The following FHIT variants were observed in gnomAD, a reference collection of about 807,000 sequenced individuals.
FHIT encodes the protein fragile histidine triad diadenosine triphosphatase, also known as bis(5'-adenosyl)-triphosphatase.
Under a neutral mutation model 17.9 loss-of-function variants are expected in FHIT, and 19 were observed. The observed-to-expected ratio is 1.06, with a 90% CI of 0.74 to 1.56. The LOEUF is 1.56. Among genes scored for constraint, FHIT ranks in the 40% most tolerant of loss-of-function variants. The pLI, the probability that FHIT is intolerant of heterozygous loss-of-function variation, is 0.00. For missense variants in FHIT, 248 were observed against 189.2 expected (o/e 1.31, Z -1.82); for synonymous variants, 81 against 69.7 (o/e 1.16, Z -0.81).
chr3:60,163,480 G>T (rs74999656), intron 5 of FHIT, among the ~76,000 whole-genome samples: 1 of 152,020 alleles, frequency 6.6e-6, no homozygotes, highest in African/African-American at 2.4e-5. Context: ...TGCCACAGAA[G>T]CCTCCTTCTG....
intron 8 of FHIT, among the ~76,000 whole-genome samples, chr3:59,825,982 G>C (rs969604360): frequency 1.3e-5 from 2 of 152,240 alleles, no homozygotes; most frequent in East Asian, 3.9e-4. Flanking sequence ...TAAAAATAAG[G>C]AATATTGACA....
At chr3:60,906,204 T>C (rs1456752145) in intron 3 of FHIT, among the ~76,000 whole-genome samples, 4 of 152,166 alleles carry the variant, frequency 2.6e-5, no homozygotes, top group African/African-American at 9.7e-5. Flanking sequence ...AATAGATTGA[T>C]TGTCAGGAGG....
intron 4 of FHIT, among the ~76,000 whole-genome samples, chr3:60,537,762 T>C (rs1038522485): frequency 6.6e-6 from 1 of 152,114 alleles, no homozygotes; most frequent in Admixed American, 6.5e-5. Flanking sequence ...TTCAATCAGG[T>C]GGATGCCAAT....
intron 3 of FHIT, among the ~76,000 whole-genome samples, chr3:60,830,092 C>T (rs1451376676): frequency 6.6e-6 from 1 of 151,912 alleles, no homozygotes; most frequent in Non-Finnish European, 1.5e-5. Context: ...CCATACCCTT[C>T]TTTTTTTTCT....
At chr3:60,221,797 G>T (rs996538854) in intron 5 of FHIT, among the ~76,000 whole-genome samples, 1 of 151,862 alleles carries the variant, frequency 6.6e-6, no homozygotes, top group Non-Finnish European at 1.5e-5. Flanking sequence ...GCCTAAAATT[G>T]ATCTCCTCAG....
At chr3:59,763,184 A>T (rs1701615325) in intron 8 of FHIT, among the ~76,000 whole-genome samples, 1 of 152,206 alleles carries the variant, frequency 6.6e-6, no homozygotes, top group Non-Finnish European at 1.5e-5. Context: ...TCTCCTGAAC[A>T]TTTCATTTCC....
At chr3:60,955,611 T>TATGTATATATACATATATATATATAC (rs1709093775) in intron 3 of FHIT, among the ~76,000 whole-genome samples, 2 of 16,924 alleles carry the variant, frequency 1.2e-4, no homozygotes, top group South Asian at 2.4e-3. Flanking sequence ...TATATATATA[T>TATGTATATATACATATATATATATAC]ATATATATAT....
intron 5 of FHIT, among the ~76,000 whole-genome samples, chr3:60,289,039 T>A (rs1161602398): frequency 9.2e-5 from 14 of 152,214 alleles, no homozygotes; most frequent in Admixed American, 8.5e-4. Context: ...ATCATTTTTT[T>A]AATCCAAGTT....
At chr3:60,690,495 G>T (rs1242850277) in intron 4 of FHIT, 1 of 564,978 alleles carries the variant, frequency 1.8e-6, no homozygotes, top group Non-Finnish European at 3.6e-6. Context: ...AGATGGACTT[G>T]CTACCAGTGC....
At chr3:60,633,899 A>G (rs1034826972) in intron 4 of FHIT, among the ~76,000 whole-genome samples, 1 of 152,220 alleles carries the variant, frequency 6.6e-6, no homozygotes, top group Non-Finnish European at 1.5e-5. Flanking sequence ...TGGTGTCCCA[A>G]CAATTTCCAG....
At position 60,352,052 on chromosome 3, in the gene FHIT, T is replaced by A. The variant is rs942131647; in HGVS notation, c.103+184808A>T. 7.2e-5 allele frequency among the ~76,000 whole-genome samples: 11 copies of A among 152,336 alleles called. No homozygotes were observed. The East Asian group carries it at 2.1e-3, about 29-fold the overall frequency. ...CTGTCTTATCCACTGGAGTAATTAA[T>A]TGCTACTTAAGATAAGAAACCATGG... On this transcript the variant is annotated intron_variant, in intron 5 of 9. Coordinates refer to ENST00000492590, the MANE Select transcript of FHIT (RefSeq NM_002012.4).
chr3:60,485,169 C>T (rs2033782615), intron 5 of FHIT, among the ~76,000 whole-genome samples: 1 of 152,014 alleles, frequency 6.6e-6, no homozygotes, highest in South Asian at 2.1e-4. Flanking sequence ...GCTGGTGAGG[C>T]TGTGGAGAAA....
intron 4 of FHIT, among the ~76,000 whole-genome samples, chr3:60,635,076 C>T (rs2039546595): frequency 6.9e-6 from 1 of 145,626 alleles, no homozygotes; most frequent in Admixed American, 6.9e-5. Flanking sequence ...AATTAGCACC[C>T]TAAGAGCAGG....
intron 5 of FHIT, among the ~76,000 whole-genome samples, chr3:60,328,622 T>TG (rs1249457339): frequency 2.0e-5 from 3 of 152,182 alleles, no homozygotes; most frequent in South Asian, 4.2e-4. Flanking sequence ...AGGATAGATT[T>TG]GGGGGGGACA....
chr3:60,972,558 CTT>C (rs35873241), intron 3 of FHIT, among the ~76,000 whole-genome samples: 1 of 142,932 alleles, frequency 7.0e-6, no homozygotes. Flanking sequence ...TTTTATTTGG[CTT>C]TTTTTTTTTC....
chr3:59,941,238 C>T (rs1481586301), intron 7 of FHIT, among the ~76,000 whole-genome samples: 1 of 152,194 alleles, frequency 6.6e-6, no homozygotes, highest in Non-Finnish European at 1.5e-5. Flanking sequence ...TGTTCTCAAG[C>T]TGCCAACTAC....
At chr3:60,341,751 C>A in intron 5 of FHIT, among the ~76,000 whole-genome samples, 1 of 152,108 alleles carries the variant, frequency 6.6e-6, no homozygotes. Context: ...CAGTGAATTT[C>A]TTTTTTCTTT....
intron 4 of FHIT, among the ~76,000 whole-genome samples, chr3:60,777,370 G>C (rs1162702553): frequency 6.6e-6 from 1 of 152,218 alleles, no homozygotes; most frequent in Non-Finnish European, 1.5e-5. Flanking sequence ...CCAGGCTATA[G>C]GTAAATTTAA....
intron 5 of FHIT, among the ~76,000 whole-genome samples, chr3:60,146,582 A>G (rs114203789): frequency 1.1e-3 from 171 of 152,280 alleles, no homozygotes; most frequent in African/African-American, 3.8e-3. Context: ...CAGAGGAATG[A>G]AGTATTCTGA....
Sources: gnomAD v4.1 joint callset for allele counts (sites outside exome capture counted in the v4.1 genomes callset) on GRCh38, gnomAD v4.1.1 for gene constraint, MANE v1.5 for transcripts, NCBI Gene and HGNC (gene_info 2026-07-23, HGNC 2026-07-21) for gene names.